The following TRIM9 variants were observed in gnomAD, a reference collection of about 807,000 sequenced individuals.
TRIM9 encodes the protein tripartite motif containing 9.
Under a neutral mutation model 78.3 loss-of-function variants are expected in TRIM9, and 26 were observed. That is an observed-to-expected ratio of 0.33 (90% CI 0.24 to 0.46). The LOEUF (loss-of-function observed/expected upper bound fraction) is 0.46, where lower values mean the gene tolerates loss of function less well. Among genes scored for constraint, TRIM9 ranks in the 20% least tolerant of loss-of-function variants. The probability of loss-of-function intolerance (pLI) is 1.00; values close to 1 mark genes in which losing one functional copy is unlikely to be tolerated. For synonymous variants in TRIM9, 398 were observed against 416.5 expected, an observed-to-expected ratio of 0.96 and a Z score of 0.54; for missense variants, 787 against 1,036.4, an observed-to-expected ratio of 0.76 and a Z score of 3.30.
At chr14:51,037,991 C>T (rs1261114459) in intron 1 of TRIM9, among the ~76,000 whole-genome samples, 2 of 152,300 alleles carry the variant, frequency 1.3e-5, no homozygotes, top group Non-Finnish European at 1.5e-5. Context: ...GTTCAATCTC[C>T]TGCATGTGAA....
chr14:50,991,521 G>A (rs1471426483), intron 7 of TRIM9, among the ~76,000 whole-genome samples: 1 of 152,144 alleles, frequency 6.6e-6, no homozygotes, highest in Admixed American at 6.5e-5. Flanking sequence ...TCTGGGTCAG[G>A]AAAAGCAGAG....
chr14:51,030,212 T>G (rs1464204297), intron 1 of TRIM9, among the ~76,000 whole-genome samples: 1 of 152,178 alleles, frequency 6.6e-6, no homozygotes, highest in East Asian at 1.9e-4. Flanking sequence ...GGGAATTAAG[T>G]AAAGGAAGGA....
Position 51,028,456 on chromosome 14 carries a change from T to C in TRIM9, c.823-3096A>G, listed in dbSNP as rs1435136042. Among the ~76,000 whole-genome samples the C allele has an allele frequency of 2.6e-5, 4 of 152,364 alleles. No individual in the cohort carries two copies. The East Asian group carries it at 7.7e-4, about 29-fold the overall frequency. ...CATCTGATGTAGAAGAACATTGTTA[T>C]TGACTGATTTTGTTTCCCAGATGCA... On this transcript the variant is annotated intron_variant, in intron 1 of 12. Coordinates refer to ENST00000684578, the MANE Select transcript of TRIM9 (RefSeq NM_001387360.1).
chr14:51,003,301 G>A (rs1012968198), intron 5 of TRIM9, among the ~76,000 whole-genome samples: 4 of 150,186 alleles, frequency 2.7e-5, no homozygotes, highest in Non-Finnish European at 2.9e-5. Flanking sequence ...GATTCCCCCC[G>A]GGGGGTATTT....
intron 1 of TRIM9, among the ~76,000 whole-genome samples, chr14:51,064,631 A>G (rs1211719694): frequency 1.3e-5 from 2 of 151,970 alleles, no homozygotes; most frequent in East Asian, 3.8e-4. Flanking sequence ...CAAAAAGAAA[A>G]TACACAAACT....
intron 1 of TRIM9, among the ~76,000 whole-genome samples, chr14:51,043,584 A>G (rs900059475): frequency 6.6e-6 from 1 of 152,226 alleles, no homozygotes; most frequent in African/African-American, 2.4e-5. Context: ...GAGTGATGTC[A>G]CAGAAGTTTA....
chr14:51,035,831 T>A (rs1270936622), intron 1 of TRIM9, among the ~76,000 whole-genome samples: 1 of 152,242 alleles, frequency 6.6e-6, no homozygotes, highest in Non-Finnish European at 1.5e-5. Context: ...AAGGAAGGCA[T>A]ATTTTTGAAC....
intron 9 of TRIM9, 118 bp from the exon 10 acceptor site, chr14:50,983,083 C>T (rs2052189120): frequency 4.2e-6 from 4 of 951,786 alleles, no homozygotes; most frequent in Non-Finnish European, 6.5e-6. Context: ...ATTTAAAATG[C>T]CACATATACT....
In TRIM9 at chr14:50,977,727, A is replaced by G. The variant is rs115141764; in HGVS notation, c.2326-374T>C. Among the ~76,000 whole-genome samples the G allele has an allele frequency of 1.0e-3, 153 of 152,330 alleles. 2 individuals are homozygous for G. The highest frequency in any genetic ancestry group is 3.5e-3 in the African/African-American group (147 of 41,574). Reference sequence around the variant, plus strand: ...GGATAGAGGACAGATTCGCAGAGACAGCACTTCCCTTATTACTTGTCCACT... The same window carrying G: ...GGATAGAGGACAGATTCGCAGAGACGGCACTTCCCTTATTACTTGTCCACT... On this transcript the variant is annotated intron_variant, in intron 12 of 12. Transcript: ENST00000684578.
intron 1 of TRIM9, among the ~76,000 whole-genome samples, chr14:51,053,317 T>C (rs559250057): frequency 3.3e-5 from 5 of 151,922 alleles, no homozygotes; most frequent in Non-Finnish European, 4.4e-5. Context: ...GAGTTTTATT[T>C]TAGGTCCTCC....
At chr14:51,003,659 C>T (rs190809157) in intron 5 of TRIM9, among the ~76,000 whole-genome samples, 22 of 151,790 alleles carry the variant, frequency 1.4e-4, no homozygotes, top group African/African-American at 5.3e-4. Flanking sequence ...AAAAAAAAGG[C>T]TAGACTCTCA....
chr14:51,001,228 A>ATT (rs34019183), intron 5 of TRIM9, among the ~76,000 whole-genome samples: 172 of 130,610 alleles, frequency 1.3e-3, no homozygotes, highest in African/African-American at 4.0e-3. Flanking sequence ...TGTGCTAATA[A>ATT]TTTTTTTTTT....
chr14:51,037,879 C>A (rs2059287660), intron 1 of TRIM9, among the ~76,000 whole-genome samples: 1 of 152,102 alleles, frequency 6.6e-6, no homozygotes, highest in Admixed American at 6.5e-5. Flanking sequence ...TACATGTACA[C>A]CATTAAGCAG....
At chr14:51,009,790 A>C (rs7144184) in intron 4 of TRIM9, among the ~76,000 whole-genome samples, 38,932 of 152,108 alleles carry the variant, frequency 0.26, 5,311 homozygotes, top group South Asian at 0.49. Context: ...AGTTTAGTAG[A>C]GTGTGACTTG....
chr14:51,025,112 G>A (rs1274868185), intron 2 of TRIM9, among the ~76,000 whole-genome samples, 153 bp downstream of exon 2: 1 of 152,110 alleles, frequency 6.6e-6, no homozygotes, highest in Non-Finnish European at 1.5e-5. Flanking sequence ...GTTTGAAGTT[G>A]ATCTCTATGT....
At chr14:51,028,045 A>AT (rs1034099102) in intron 1 of TRIM9, among the ~76,000 whole-genome samples, 34 of 152,184 alleles carry the variant, frequency 2.2e-4, no homozygotes, top group Admixed American at 1.8e-3. Context: ...ATACCCATAG[A>AT]TTTTTTGACC....
At chr14:51,080,225 T>C (rs188423237) in intron 1 of TRIM9, among the ~76,000 whole-genome samples, 1 of 148,254 alleles carries the variant, frequency 6.7e-6, no homozygotes, top group Non-Finnish European at 1.5e-5. Context: ...AAAGCCAATG[T>C]TAAAAAAAAA....
chr14:51,085,964 G>A (rs374409574), intron 1 of TRIM9, among the ~76,000 whole-genome samples: 5 of 152,118 alleles, frequency 3.3e-5, no homozygotes, highest in African/African-American at 7.2e-5. Context: ...CTATACCTCC[G>A]ATGATCTGGT....
chr14:50,992,181 T>A (rs2053598211), intron 7 of TRIM9, among the ~76,000 whole-genome samples: 1 of 152,216 alleles, frequency 6.6e-6, no homozygotes. Context: ...TCCCTGTAGT[T>A]GTTCTTCTGA....
Sources: gnomAD v4.1 joint callset for allele counts (sites outside exome capture counted in the v4.1 genomes callset) on GRCh38, gnomAD v4.1.1 for gene constraint, MANE v1.5 for transcripts, NCBI Gene and HGNC (gene_info 2026-07-23, HGNC 2026-07-21) for gene names.